Variants in NBAS observed in about 807,000 individuals in gnomAD.
NBAS encodes NAG/BC035112 fusion.
A neutral mutation model predicts 302.5 loss-of-function variants in NBAS; 219 were observed. That is an observed-to-expected ratio of 0.72 (90% CI 0.65 to 0.81). The LOEUF is 0.81. Ranked by LOEUF, NBAS falls within the 30% of genes least tolerant of loss-of-function variation. The pLI, the probability that NBAS is intolerant of heterozygous loss-of-function variation, is 0.00. For missense variants in NBAS, 2,932 were observed against 2,841.6 expected (o/e 1.03, Z -0.72); for synonymous variants, 1,118 against 1,021.6 (o/e 1.09, Z -1.80).
At chr2:15,478,008 A>G (rs1680261991) in intron 13 of NBAS, among the ~76,000 whole-genome samples, 1 of 48,966 alleles carries the variant, frequency 2.0e-5, no homozygotes, top group Admixed American at 2.1e-4. Context: ...AACTCAGTGT[A>G]CCATCTCAAT....
intron 30 of NBAS, among the ~76,000 whole-genome samples, chr2:15,377,134 A>G (rs1674782425): frequency 1.3e-5 from 2 of 152,220 alleles, no homozygotes; most frequent in African/African-American, 4.8e-5. Flanking sequence ...AAACTTGGCA[A>G]TGTAGTAAAA....
chr2:14,806,106 T>G, the NBAS span, among the ~76,000 whole-genome samples: 365 of 152,280 alleles, frequency 2.4e-3, no homozygotes, highest in African/African-American at 8.0e-3. Flanking sequence ...TTAAAACACA[T>G]ATGGGTTTCC....
chr2:14,832,257 C>A, the NBAS span, among the ~76,000 whole-genome samples: 1 of 152,186 alleles, frequency 6.6e-6, no homozygotes, highest in Non-Finnish European at 1.5e-5. Context: ...AGCAAAAGGA[C>A]AGACCCCTAT....
At chr2:15,412,092 A>C (rs571419417) in intron 25 of NBAS, among the ~76,000 whole-genome samples, 113 of 152,286 alleles carry the variant, frequency 7.4e-4, no homozygotes, top group African/African-American at 2.6e-3. Context: ...TGTGGCAGTC[A>C]AGTGTAATGG....
the NBAS span, among the ~76,000 whole-genome samples, chr2:14,894,723 A>G: frequency 2.7e-4 from 41 of 152,200 alleles, no homozygotes; most frequent in Non-Finnish European, 4.4e-4. Flanking sequence ...TTAATTCCAC[A>G]GCAGAACATC....
chr2:15,043,966 GCA>G, the NBAS span, among the ~76,000 whole-genome samples: 1 of 152,114 alleles, frequency 6.6e-6, no homozygotes, highest in Non-Finnish European at 1.5e-5. Flanking sequence ...CTATTCCCAA[GCA>G]CATGGGCCAG....
In NBAS at chr2:15,187,266, CTT is replaced by C. The variant is rs538262519; in HGVS notation, c.6573-388_6573-387del. Among the ~76,000 whole-genome samples the C allele has an allele frequency of 3.5e-3, 534 of 152,040 alleles. 6 individuals carry two copies. Among genetic ancestry groups the C allele is most frequent in the African/African-American group, 0.012 (497 of 41,450 alleles). ...TTCACTGTGAAAAGGTATTTAATGACTTTTTTTTCCTTGAAGAGTTGCCTTAA... is the reference window on the plus strand; with the variant it reads ...TTCACTGTGAAAAGGTATTTAATGACTTTTTTCCTTGAAGAGTTGCCTTAA... On this transcript the variant is annotated intron_variant, in intron 49 of 51. Transcript: ENST00000281513.
the NBAS span, among the ~76,000 whole-genome samples, chr2:15,002,820 C>T: frequency 6.6e-6 from 1 of 152,216 alleles, no homozygotes. Context: ...GGCGGGTCAG[C>T]TGCTCCAAGT....
At chr2:15,219,023 C>T (rs1164065487) in intron 47 of NBAS, 55 bp from the exon 48 acceptor site, 6 of 1,594,982 alleles carry the variant, frequency 3.8e-6, no homozygotes, top group South Asian at 1.1e-5. Context: ...TATTTTCCCC[C>T]TTCCGGTAAT....
At chr2:14,802,650 C>A in the NBAS span, among the ~76,000 whole-genome samples, 4 of 150,422 alleles carry the variant, frequency 2.7e-5, no homozygotes, top group Non-Finnish European at 5.9e-5. Context: ...AAATGTCCAA[C>A]AATGATAGAC....
chr2:15,046,943 A>G, the NBAS span, among the ~76,000 whole-genome samples: 1 of 152,188 alleles, frequency 6.6e-6, no homozygotes, highest in Non-Finnish European at 1.5e-5. Context: ...GGTCCAGTCA[A>G]CATCATCAGG....
chr2:15,095,920 G>C, the NBAS span, among the ~76,000 whole-genome samples: 5 of 152,132 alleles, frequency 3.3e-5, no homozygotes, highest in East Asian at 9.7e-4. Context: ...GACACTCATG[G>C]GGCTGCTCAT....
At chr2:14,866,504 A>G in the NBAS span, among the ~76,000 whole-genome samples, 2 of 152,234 alleles carry the variant, frequency 1.3e-5, no homozygotes, top group East Asian at 3.9e-4. Flanking sequence ...TTTATCTAGA[A>G]TGTCTCTTAC....
At chr2:15,556,217 C>G (rs1023410693) in intron 3 of NBAS, among the ~76,000 whole-genome samples, 1 of 152,106 alleles carries the variant, frequency 6.6e-6, no homozygotes, top group East Asian at 1.9e-4. Context: ...ATATCCTCAA[C>G]GAAGAAGCAA....
chr2:15,094,349 C>CAA, the NBAS span, among the ~76,000 whole-genome samples: 1 of 151,920 alleles, frequency 6.6e-6, no homozygotes, highest in African/African-American at 2.4e-5. Flanking sequence ...ATCAATAGAA[C>CAA]AAAAAAATAC....
intron 35 of NBAS, among the ~76,000 whole-genome samples, chr2:15,337,884 C>T (rs1260588264): frequency 6.6e-6 from 1 of 152,110 alleles, no homozygotes; most frequent in Non-Finnish European, 1.5e-5. Flanking sequence ...TTACTACTGC[C>T]ACTTTTTATA....
intron 35 of NBAS, among the ~76,000 whole-genome samples, chr2:15,331,368 G>C (rs1672341655): frequency 6.6e-6 from 1 of 152,192 alleles, no homozygotes; most frequent in Non-Finnish European, 1.5e-5. Context: ...TCCACGAGGA[G>C]AAAATGTCAA....
At chr2:14,979,473 C>A in the NBAS span, among the ~76,000 whole-genome samples, 1 of 152,168 alleles carries the variant, frequency 6.6e-6, no homozygotes, top group Non-Finnish European at 1.5e-5. Flanking sequence ...CTTAAATCCT[C>A]ACAAAATCTT....
At chr2:15,540,088 G>C (rs1161531864) in intron 6 of NBAS, among the ~76,000 whole-genome samples, 3 of 152,138 alleles carry the variant, frequency 2.0e-5, no homozygotes, top group African/African-American at 7.2e-5. Flanking sequence ...TGTTAGATTT[G>C]TTTGAGATTT....
Sources: allele counts gnomAD v4.1 joint callset (sites outside exome capture counted in the v4.1 genomes callset), GRCh38; gene constraint gnomAD v4.1.1; transcripts MANE v1.5; gene names NCBI Gene and HGNC (gene_info 2026-07-23, HGNC 2026-07-21).